The following RIGI variants were observed in gnomAD, a reference collection of about 807,000 sequenced individuals.
The protein encoded by RIGI is antiviral innate immune response receptor RIG-I.
the RIGI span, among the ~76,000 whole-genome samples, chr9:32,500,545 A>G: frequency 2.6e-5 from 4 of 152,160 alleles, no homozygotes; most frequent in South Asian, 2.1e-4. Context: ...AAATGCAACT[A>G]ATTTTTGTAT....
At chr9:32,518,862 A>G in the RIGI span, among the ~76,000 whole-genome samples, 1 of 152,188 alleles carries the variant, frequency 6.6e-6, no homozygotes, top group Non-Finnish European at 1.5e-5. Context: ...GTTGTGTGCC[A>G]TCATGCCTGG....
At chr9:32,503,533 C>A in the RIGI span, among the ~76,000 whole-genome samples, 1 of 152,150 alleles carries the variant, frequency 6.6e-6, no homozygotes, top group African/African-American at 2.4e-5. Flanking sequence ...TCTTTATTGA[C>A]TACTGACTAA....
the RIGI span, among the ~76,000 whole-genome samples, chr9:32,497,192 TTTGTG>T: frequency 1.3e-5 from 2 of 152,184 alleles, no homozygotes; most frequent in African/African-American, 4.8e-5. Flanking sequence ...TTTCCATTTA[TTTGTG>T]TTATCTTTCA....
the RIGI span, among the ~76,000 whole-genome samples, chr9:32,498,846 G>C: frequency 2.6e-5 from 4 of 151,992 alleles, no homozygotes; most frequent in Admixed American, 2.0e-4. Context: ...AGCCAGATGT[G>C]GTGGTGGCCA....
chr9:32,483,103 G>A, the RIGI span, among the ~76,000 whole-genome samples: 111 of 152,170 alleles, frequency 7.3e-4, 1 homozygote, highest in African/African-American at 2.6e-3. Context: ...GATAAGATGA[G>A]GAGACTATGG....
chr9:32,486,164 A>C, the RIGI span, among the ~76,000 whole-genome samples: 1 of 152,066 alleles, frequency 6.6e-6, no homozygotes, highest in Admixed American at 6.5e-5. Flanking sequence ...AGTACATGTA[A>C]AGTGTAGCCG....
At chr9:32,456,584 T>C in the RIGI span, 1 of 155,224 alleles carries the variant, frequency 6.4e-6, no homozygotes, top group African/African-American at 2.4e-5. Flanking sequence ...AAAAAAAGAC[T>C]AGAATAGAAC....
At chr9:32,522,203 A>C in the RIGI span, among the ~76,000 whole-genome samples, 1 of 152,190 alleles carries the variant, frequency 6.6e-6, no homozygotes, top group Non-Finnish European at 1.5e-5. Context: ...TTGTTTGAAA[A>C]AGTCTGGAGA....
chr9:32,492,581 G>T, the RIGI span: 6 of 1,608,282 alleles, frequency 3.7e-6, no homozygotes, highest in Admixed American at 3.4e-5. Context: ...TATCTCAAAA[G>T]TTTTCCCTTT....
At chr9:32,521,539 G>A in the RIGI span, among the ~76,000 whole-genome samples, 1 of 152,150 alleles carries the variant, frequency 6.6e-6, no homozygotes, top group African/African-American at 2.4e-5. Context: ...GATACTGACA[G>A]ACTTCCCAAC....
At chr9:32,482,538 C>T in the RIGI span, among the ~76,000 whole-genome samples, 2 of 152,044 alleles carry the variant, frequency 1.3e-5, no homozygotes, top group Non-Finnish European at 2.9e-5. Context: ...TAACAGGTCT[C>T]AAGAGCTTCA....
At chr9:32,500,997 A>G in the RIGI span, 1,631 of 1,587,488 alleles carry the variant, frequency 1.0e-3, no homozygotes, top group Non-Finnish European at 1.3e-3. Context: ...CATTAGAAGA[A>G]AAACCAGAAA....
chr9:32,502,395 T>C, the RIGI span, among the ~76,000 whole-genome samples: 2 of 152,238 alleles, frequency 1.3e-5, no homozygotes, highest in Admixed American at 6.5e-5. Context: ...CTAGTTCTTA[T>C]GGTAACTCCA....
At chr9:32,507,811 C>T in the RIGI span, among the ~76,000 whole-genome samples, 3 of 151,836 alleles carry the variant, frequency 2.0e-5, no homozygotes, top group African/African-American at 7.3e-5. Flanking sequence ...AAGTCTGGCC[C>T]CCATTTTTAT....
the RIGI span, among the ~76,000 whole-genome samples, chr9:32,509,496 T>C: frequency 6.6e-6 from 1 of 152,162 alleles, no homozygotes; most frequent in Non-Finnish European, 1.5e-5. Flanking sequence ...CCAGCAGACC[T>C]GCAGCTGAGG....
chr9:32,483,434 G>A, the RIGI span, among the ~76,000 whole-genome samples: 1 of 152,104 alleles, frequency 6.6e-6, no homozygotes, highest in African/African-American at 2.4e-5. Flanking sequence ...ATTCGGACTG[G>A]CAAAAAGGTG....
chr9:32,487,281 G>A, the RIGI span, among the ~76,000 whole-genome samples: 2 of 152,174 alleles, frequency 1.3e-5, no homozygotes, highest in Non-Finnish European at 2.9e-5. Context: ...CACTTCTGAG[G>A]TTCATCCATT....
chr9:32,482,288 A>G, the RIGI span, among the ~76,000 whole-genome samples: 11 of 152,274 alleles, frequency 7.2e-5, 1 homozygote, highest in East Asian at 2.1e-3. Flanking sequence ...TAATTTTCAC[A>G]ACCCATGAGA....
chr9:32,515,614 C>A, the RIGI span, among the ~76,000 whole-genome samples: 2 of 152,134 alleles, frequency 1.3e-5, no homozygotes, highest in African/African-American at 2.4e-5. Context: ...ATCATATTTT[C>A]AAAAGAACTG....
Sources: allele counts gnomAD v4.1 joint callset (sites outside exome capture counted in the v4.1 genomes callset), GRCh38; gene constraint gnomAD v4.1.1; transcripts MANE v1.5; gene names NCBI Gene and HGNC (gene_info 2026-07-23, HGNC 2026-07-21).